Variants in GRM1 observed in about 807,000 individuals in gnomAD.
GRM1 encodes metabotropic glutamate receptor 1.
Under a neutral mutation model 90.9 loss-of-function variants are expected in GRM1, and 33 were observed. The ratio of observed to expected loss-of-function variants is 0.36; its 90% confidence interval spans 0.28 to 0.49. The LOEUF (loss-of-function observed/expected upper bound fraction) is 0.49. Among genes scored for constraint, GRM1 ranks in the 20% least tolerant of loss-of-function variants. GRM1 has a pLI of 0.99. For synonymous variants in GRM1, 700 were observed against 613.2 expected (o/e 1.14, Z -2.09); for missense variants, 1,190 against 1,534.3 (o/e 0.78, Z 3.75).
chr6:146,194,931 T>C (rs1358363860), intron 2 of GRM1, among the ~76,000 whole-genome samples: 1 of 152,232 alleles, frequency 6.6e-6, no homozygotes, highest in Non-Finnish European at 1.5e-5. Context: ...AGATGTTACC[T>C]AACCTCTCTG....
chr6:146,383,614 G>A (rs1397409251), intron 5 of GRM1, among the ~76,000 whole-genome samples: 1 of 152,078 alleles, frequency 6.6e-6, no homozygotes, highest in African/African-American at 2.4e-5. Flanking sequence ...AGTAGGAACA[G>A]AAAACCTTAT....
intron 1 of GRM1, among the ~76,000 whole-genome samples, chr6:146,081,684 T>C (rs1441343027): frequency 6.6e-6 from 1 of 152,180 alleles, no homozygotes; most frequent in East Asian, 1.9e-4. Flanking sequence ...TTTAATGCCT[T>C]TCTTTATTAT....
chr6:146,101,961 A>G (rs182914465), intron 1 of GRM1, among the ~76,000 whole-genome samples: 40 of 152,078 alleles, frequency 2.6e-4, no homozygotes, highest in African/African-American at 9.4e-4. Flanking sequence ...ACTTTTACAA[A>G]CCAGATATTA....
At chr6:146,368,266 G>GT (rs1775771333) in intron 5 of GRM1, among the ~76,000 whole-genome samples, 1 of 137,094 alleles carries the variant, frequency 7.3e-6, no homozygotes, top group Non-Finnish European at 1.6e-5. Flanking sequence ...TTTTTGGGGG[G>GT]GGGGGTAGAA....
chr6:146,381,078 G>A (rs1394947658), intron 5 of GRM1, among the ~76,000 whole-genome samples: 2 of 152,166 alleles, frequency 1.3e-5, no homozygotes, highest in Non-Finnish European at 2.9e-5. Context: ...CAGCTGTACA[G>A]GCTGGGGTTA....
intron 2 of GRM1, among the ~76,000 whole-genome samples, chr6:146,290,239 A>C (rs935802133): frequency 6.6e-6 from 1 of 152,172 alleles, no homozygotes; most frequent in Non-Finnish European, 1.5e-5. Context: ...ATCTCCAGAG[A>C]AACCAAAAAT....
chr6:146,341,160 G>T (rs560919779), intron 3 of GRM1, among the ~76,000 whole-genome samples: 3 of 152,118 alleles, frequency 2.0e-5, no homozygotes, highest in Admixed American at 1.3e-4. Context: ...TGAGTTAAAG[G>T]TATCCATTGC....
chr6:146,369,359 A>G (rs2115087821), intron 5 of GRM1, among the ~76,000 whole-genome samples: 1 of 151,488 alleles, frequency 6.6e-6, no homozygotes, highest in Admixed American at 6.6e-5. Context: ...TCTTCTACTA[A>G]TTGGGGGTTT....
intron 5 of GRM1, among the ~76,000 whole-genome samples, chr6:146,381,135 C>T (rs1754344235): frequency 1.3e-5 from 2 of 152,270 alleles, no homozygotes; most frequent in Non-Finnish European, 1.5e-5. Flanking sequence ...AGCTGTTGTC[C>T]CAGTATGTTA....
At chr6:146,264,006 A>G (rs1330506084) in intron 2 of GRM1, among the ~76,000 whole-genome samples, 1 of 152,158 alleles carries the variant, frequency 6.6e-6, no homozygotes, top group East Asian at 1.9e-4. Flanking sequence ...TGTTAAATTA[A>G]CATCTTAATG....
chr6:146,378,966 TC>T, intron 5 of GRM1, among the ~76,000 whole-genome samples: 1 of 152,182 alleles, frequency 6.6e-6, no homozygotes, highest in East Asian at 1.9e-4. Context: ...TCCTTTGTGT[TC>T]CACCATGATT....
intron 2 of GRM1, among the ~76,000 whole-genome samples, chr6:146,274,838 A>G (rs771798253): frequency 6.6e-6 from 1 of 152,146 alleles, no homozygotes; most frequent in Non-Finnish European, 1.5e-5. Context: ...TGTCTATGCT[A>G]AGAAGTTAAT....
chr6:146,109,172 G>A (rs1458883663), intron 1 of GRM1, among the ~76,000 whole-genome samples: 1 of 152,196 alleles, frequency 6.6e-6, no homozygotes, highest in Non-Finnish European at 1.5e-5. Context: ...AAGACAATGG[G>A]GAAAATGTCT....
intron 1 of GRM1, among the ~76,000 whole-genome samples, chr6:146,129,096 A>C (rs1045226814): frequency 6.6e-6 from 1 of 152,180 alleles, no homozygotes; most frequent in Admixed American, 6.5e-5. Context: ...GCCCTAAAGA[A>C]TGACTGACTT....
intron 6 of GRM1, among the ~76,000 whole-genome samples, chr6:146,389,269 G>C (rs1776627747): frequency 6.6e-6 from 1 of 152,036 alleles, no homozygotes; most frequent in South Asian, 2.1e-4. Context: ...GAAGTCAGAA[G>C]TCTTGGCTTT....
intron 2 of GRM1, among the ~76,000 whole-genome samples, chr6:146,300,725 C>G (rs1030962208): frequency 2.6e-5 from 4 of 151,876 alleles, no homozygotes; most frequent in African/African-American, 9.7e-5. Context: ...GAGGCTGGGT[C>G]ACTACCCAGC....
At chr6:146,305,288 T>C (rs1037065912) in intron 3 of GRM1, among the ~76,000 whole-genome samples, 4 of 151,934 alleles carry the variant, frequency 2.6e-5, no homozygotes, top group Admixed American at 6.6e-5. Flanking sequence ...AACAAAAGTG[T>C]TTGTGGGCAT....
At chr6:146,049,258 C>A (rs1258603897) in intron 1 of GRM1, among the ~76,000 whole-genome samples, 1 of 151,960 alleles carries the variant, frequency 6.6e-6, no homozygotes, top group African/African-American at 2.4e-5. Context: ...GGTAAAGCAT[C>A]ATTTTTGAGT....
chr6:146,238,340 T>C (rs1780725465), intron 2 of GRM1, among the ~76,000 whole-genome samples: 1 of 152,134 alleles, frequency 6.6e-6, no homozygotes, highest in African/African-American at 2.4e-5. Flanking sequence ...TGGTTATTCA[T>C]TTTATATTTA....
Sources: allele counts gnomAD v4.1 joint callset (sites outside exome capture counted in the v4.1 genomes callset), GRCh38; gene constraint gnomAD v4.1.1; transcripts MANE v1.5; gene names NCBI Gene and HGNC (gene_info 2026-07-23, HGNC 2026-07-21).